The following FSIP1 variants were observed in gnomAD, a reference collection of about 807,000 sequenced individuals.
FSIP1 encodes the protein fibrous sheath interacting protein 1.
A neutral mutation model predicts 60.9 loss-of-function variants in FSIP1; 65 were observed. The observed-to-expected ratio is 1.07, with a 90% CI of 0.87 to 1.31. The LOEUF is 1.31. Among genes scored for constraint, FSIP1 ranks in the 40% most tolerant of loss-of-function variants. The pLI, the probability that FSIP1 is intolerant of heterozygous loss-of-function variation, is 0.00. For missense variants in FSIP1, 675 were observed against 665.5 expected (o/e 1.01, Z -0.16); for synonymous variants, 209 against 221.2 (o/e 0.94, Z 0.49).
rs188315742 is a variant in FSIP1 at position 39,627,627 on chromosome 15, G to A, written c.1189-9382C>T. ...GTATCTCTCTGCATATGTCCCACAA[G>A]TCACCCACATGGCATCTCTCTGCAT... is the stretch of plus-strand genomic sequence containing the variant. On this transcript the variant is annotated intron_variant, in intron 10 of 11. Coordinates refer to ENST00000350221, the MANE Select transcript of FSIP1 (RefSeq NM_152597.5). Among the ~76,000 whole-genome samples, 554 of 152,270 alleles carry A rather than the reference G, an allele frequency of 3.6e-3. 4 individuals carry two copies. The highest frequency in any genetic ancestry group is 0.013 in the African/African-American group (534 of 41,550).
chr15:39,733,693 T>A (rs975453279), intron 8 of FSIP1, among the ~76,000 whole-genome samples: 9 of 152,056 alleles, frequency 5.9e-5, no homozygotes, highest in African/African-American at 2.2e-4. Context: ...CACCATTCCA[T>A]CCCCAGTGAA....
intron 7 of FSIP1, among the ~76,000 whole-genome samples, 179 bp from the exon 8 acceptor site, chr15:39,738,380 C>T (rs1252638216): frequency 6.7e-6 from 1 of 150,182 alleles, no homozygotes; most frequent in Non-Finnish European, 1.5e-5. Context: ...GGGCCATTCT[C>T]TAATATCCAA....
chr15:39,606,286 T>G (rs1890821206), intron 11 of FSIP1, among the ~76,000 whole-genome samples: 1 of 152,224 alleles, frequency 6.6e-6, no homozygotes, highest in Admixed American at 6.5e-5. Flanking sequence ...AGGGGTATTA[T>G]TTTAAAAAGA....
chr15:39,735,524 G>A (rs1438432299), intron 8 of FSIP1, among the ~76,000 whole-genome samples: 1 of 152,198 alleles, frequency 6.6e-6, no homozygotes, highest in Non-Finnish European at 1.5e-5. Context: ...AAGCTGCTCT[G>A]GTGAGTCAGT....
intron 8 of FSIP1, among the ~76,000 whole-genome samples, chr15:39,736,981 C>T (rs1896633040): frequency 6.6e-6 from 1 of 152,074 alleles, no homozygotes; most frequent in African/African-American, 2.4e-5. Context: ...GACAGCTGTG[C>T]ACCCTTAGCA....
intron 5 of FSIP1, among the ~76,000 whole-genome samples, chr15:39,757,879 T>C (rs1897350757): frequency 6.6e-6 from 1 of 152,182 alleles, no homozygotes; most frequent in Non-Finnish European, 1.5e-5. Context: ...CCTTTTACGT[T>C]GACCCTACTT....
rs139967868 is a variant in FSIP1, at chr15:39,662,948, G to A, written c.1189-44703C>T. Among the ~76,000 whole-genome samples, 10 of 151,964 alleles carry A rather than the reference G, an allele frequency of 6.6e-5. No individual in the cohort carries two copies. The East Asian group carries it at 1.9e-3, about 29-fold the overall frequency. On this transcript the variant is annotated intron_variant, in intron 10 of 11. Transcript: ENST00000350221. ...GTATATTCTATGCATTTTCTCACTG[G>A]CAAAAAAACTAGCAAAAACCCAAAA... is the stretch of plus-strand genomic sequence containing the variant.
In FSIP1 at chr15:39,741,902, T is replaced by G. The variant is rs1321148417; in HGVS notation, c.560-2A>C. ...TGTCTTCCTCCTCATGAGAAGGACC[T>G]GTTGATTTAAAAAATCACTTGTTCA... On this transcript the variant is annotated splice_acceptor_variant, in intron 5 of 11. Coordinates refer to ENST00000350221, the MANE Select transcript of FSIP1 (RefSeq NM_152597.5). LOFTEE classifies it high-confidence loss of function. The G allele has an allele frequency of 2.6e-6, 4 of 1,531,248 alleles. No homozygotes were observed. The highest frequency in any genetic ancestry group is 2.7e-6 in the Non-Finnish European group (3 of 1,106,046). The allele number at this position is 1,531,248 out of a possible 1,614,324, so 94.9% of individuals were successfully genotyped here. A position where few individuals can be genotyped will look rare whatever the true frequency, so the allele number is the denominator to read the frequency against.
chr15:39,635,942 A>G (rs374794815), intron 10 of FSIP1, among the ~76,000 whole-genome samples: 26 of 152,094 alleles, frequency 1.7e-4, no homozygotes, highest in East Asian at 9.7e-4. Flanking sequence ...TTTTTTTCCA[A>G]TGAAGCCAGT....
rs1894505170 is a variant in FSIP1 at position 39,689,289 on chromosome 15, C to A, written c.1188+24155G>T. On this transcript the variant is annotated intron_variant, in intron 10 of 11. Transcript: ENST00000350221. ...ACATGTATACCAACCCAAAAGCTCT[C>A]CAAAACCCATGATTTAGGGGTGTTT... 2.0e-5 allele frequency among the ~76,000 whole-genome samples: 3 copies of A among 152,152 alleles called. No individual in the cohort carries two copies. In the South Asian group the frequency reaches 6.2e-4, roughly 32 times the overall value.
intron 5 of FSIP1, among the ~76,000 whole-genome samples, chr15:39,756,916 C>A (rs1183036581): frequency 6.6e-6 from 1 of 152,064 alleles, no homozygotes; most frequent in East Asian, 1.9e-4. Context: ...TCTAACATTA[C>A]AAGAAGTGTC....
rs150206805 is a variant in FSIP1, at chr15:39,670,820, C to T, written c.1188+42624G>A. Among the ~76,000 whole-genome samples the T allele has an allele frequency of 3.5e-3, 531 of 152,340 alleles. 5 individuals are homozygous for T. Among genetic ancestry groups the T allele is most frequent in the African/African-American group, 0.012 (486 of 41,576 alleles). On this transcript the variant is annotated intron_variant, in intron 10 of 11. Transcript: ENST00000350221. ...CACAGAAATTCTGGAGAGTCACAAA[C>T]TTCTAAAGGTGTCGTAAGCACTTAC...
rs1363588787 is a variant in FSIP1 at position 39,733,689 on chromosome 15, T to G, written c.891+4402A>C. ...CAGGTAGAAGTCCTGGGGACACCAT[T>G]CCATCCCCAGTGAAAAAGCAAAGCC... On this transcript the variant is annotated intron_variant, in intron 8 of 11. Coordinates refer to ENST00000350221, the MANE Select transcript of FSIP1 (RefSeq NM_152597.5). 2.6e-5 allele frequency among the ~76,000 whole-genome samples: 4 copies of G among 152,098 alleles called. No individual in the cohort carries two copies. In the East Asian group the frequency reaches 7.7e-4, roughly 29 times the overall value.
At chr15:39,688,662 T>C (rs1309031238) in intron 10 of FSIP1, among the ~76,000 whole-genome samples, 1 of 152,196 alleles carries the variant, frequency 6.6e-6, no homozygotes, top group African/African-American at 2.4e-5. Context: ...AAAATATCTA[T>C]TTTTATTCCA....
intron 10 of FSIP1, among the ~76,000 whole-genome samples, chr15:39,684,503 C>G (rs1039761534): frequency 1.3e-5 from 2 of 152,128 alleles, no homozygotes; most frequent in Admixed American, 1.3e-4. Context: ...ACTCTTTTTC[C>G]TTAACCCTAT....
At chr15:39,626,476 C>T (rs1302565846) in intron 10 of FSIP1, among the ~76,000 whole-genome samples, 8 of 152,106 alleles carry the variant, frequency 5.3e-5, no homozygotes, top group Admixed American at 2.0e-4. Flanking sequence ...ACAGTCTGCC[C>T]GTAGGTCAGC....
intron 3 of FSIP1, among the ~76,000 whole-genome samples, chr15:39,769,242 G>A (rs1047065463): frequency 6.7e-6 from 1 of 148,786 alleles, no homozygotes; most frequent in Non-Finnish European, 1.5e-5. Flanking sequence ...TCGCGCCACT[G>A]CACTCCAGCC....
At chr15:39,773,527 T>C (rs893430976) in intron 2 of FSIP1, among the ~76,000 whole-genome samples, 2 of 152,220 alleles carry the variant, frequency 1.3e-5, no homozygotes, top group African/African-American at 2.4e-5. Context: ...TATTAATCTG[T>C]GTATTAAAAT....
At chr15:39,693,790 G>C (rs1894701326) in intron 10 of FSIP1, among the ~76,000 whole-genome samples, 1 of 152,106 alleles carries the variant, frequency 6.6e-6, no homozygotes, top group Admixed American at 6.6e-5. Flanking sequence ...GTCAGATGTG[G>C]GTTATGGACA....
Sources: allele counts gnomAD v4.1 joint callset (sites outside exome capture counted in the v4.1 genomes callset), GRCh38; gene constraint gnomAD v4.1.1; transcripts MANE v1.5; gene names NCBI Gene and HGNC (gene_info 2026-07-23, HGNC 2026-07-21).